Variants in TSPAN5 observed in about 807,000 individuals in gnomAD.
The protein encoded by TSPAN5 is tetraspanin-5.
A neutral mutation model predicts 37.1 loss-of-function variants in TSPAN5; 10 were observed. The observed-to-expected ratio is 0.27, with a 90% CI of 0.17 to 0.46. The LOEUF (loss-of-function observed/expected upper bound fraction) is 0.46. TSPAN5 is among the 20% of genes least tolerant of loss of function. TSPAN5 has a pLI of 1.00. For missense variants in TSPAN5, 195 were observed against 326.6 expected (o/e 0.60, Z 3.11); for synonymous variants, 110 against 118.9 (o/e 0.93, Z 0.48).
chr4:98,586,155 G>C lies in TSPAN5; in HGVS notation c.81+71991C>G, dbSNP rs568534207. Among the ~76,000 whole-genome samples the C allele has an allele frequency of 2.0e-5, 3 of 152,266 alleles. No individual in the cohort carries two copies. In the East Asian group the frequency reaches 5.8e-4, roughly 29 times the overall value. ...ATGCCAGTGCTGCCAAATGTACCAGGAAAGTTCTTTAAAAGCAGACTGAAG... is the reference window on the plus strand; with the variant it reads ...ATGCCAGTGCTGCCAAATGTACCAGCAAAGTTCTTTAAAAGCAGACTGAAG... On this transcript the variant is annotated intron_variant, in intron 1 of 7. Coordinates refer to ENST00000305798, the MANE Select transcript of TSPAN5 (RefSeq NM_005723.4).
chr4:98,588,361 G>A (rs1397860640), intron 1 of TSPAN5, among the ~76,000 whole-genome samples: 3 of 150,854 alleles, frequency 2.0e-5, no homozygotes, highest in African/African-American at 4.9e-5. Context: ...GCTAAGTAAA[G>A]AAAGGACAGT....
At chr4:98,519,471 C>T (rs1330614984) in intron 1 of TSPAN5, among the ~76,000 whole-genome samples, 1 of 151,924 alleles carries the variant, frequency 6.6e-6, no homozygotes, top group African/African-American at 2.4e-5. Context: ...GCATTCTAGC[C>T]TGAGTGAGAC....
rs545522355 is a variant in TSPAN5, at chr4:98,520,498, C to T, written c.82-12770G>A. Among the ~76,000 whole-genome samples the T allele has an allele frequency of 6.6e-5, 10 of 152,272 alleles. No individual in the cohort carries two copies. The South Asian group carries it at 8.3e-4, about 13-fold the overall frequency. On this transcript the variant is annotated intron_variant, in intron 1 of 7. Transcript: ENST00000305798. ...ATATCTGGAAATATCCGTTACCTTA[C>T]GTAGGAGACAAAAGGGAGGCAGTGT...
At chr4:98,524,594 T>C (rs1021657923) in intron 1 of TSPAN5, among the ~76,000 whole-genome samples, 1 of 152,104 alleles carries the variant, frequency 6.6e-6, no homozygotes, top group Non-Finnish European at 1.5e-5. Flanking sequence ...CACTTAAATA[T>C]TGAAGGAAGA....
At chr4:98,483,529 G>T (rs1476477836) in intron 3 of TSPAN5, 1 of 152,250 alleles carries the variant, frequency 6.6e-6, no homozygotes, top group Non-Finnish European at 1.5e-5. Flanking sequence ...AGTCTTATGT[G>T]ATTAGGGAGG....
In TSPAN5 at chr4:98,500,692, A is replaced by AT. The variant is rs545395626; in HGVS notation, c.132+6985dup. 1.7e-4 allele frequency among the ~76,000 whole-genome samples: 26 copies of AT among 152,200 alleles called. No homozygotes were observed. The East Asian group carries it at 2.9e-3, about 17-fold the overall frequency. ...ATGCAACTCCTTTATAAAAAGTGGTATTTTTTTCCTGTGTAGCATTTTACA... is the reference window on the plus strand; with the variant it reads ...ATGCAACTCCTTTATAAAAAGTGGTATTTTTTTTCCTGTGTAGCATTTTACA... On this transcript the variant is annotated intron_variant, in intron 2 of 7. Coordinates refer to ENST00000305798, the MANE Select transcript of TSPAN5 (RefSeq NM_005723.4).
chr4:98,554,844 T>TTTCAAA (rs1319235528), intron 1 of TSPAN5, among the ~76,000 whole-genome samples: 1 of 152,196 alleles, frequency 6.6e-6, no homozygotes, highest in Non-Finnish European at 1.5e-5. Flanking sequence ...AGAGAGTATG[T>TTTCAAA]GCCAAACAAG....
intron 1 of TSPAN5, among the ~76,000 whole-genome samples, chr4:98,518,787 C>A (rs982533928): frequency 8.5e-5 from 13 of 152,180 alleles, no homozygotes; most frequent in African/African-American, 3.1e-4. Flanking sequence ...ATCAGAAACT[C>A]TGGGGGCAGG....
chr4:98,489,424 C>A (rs980771425), intron 2 of TSPAN5, among the ~76,000 whole-genome samples: 2 of 152,126 alleles, frequency 1.3e-5, no homozygotes, highest in Non-Finnish European at 2.9e-5. Context: ...GGACAATGAT[C>A]GAGATATAAA....
intron 1 of TSPAN5, among the ~76,000 whole-genome samples, chr4:98,596,688 A>T: frequency 3.3e-5 from 2 of 61,304 alleles, no homozygotes; most frequent in African/African-American, 9.8e-5. Flanking sequence ...TTTCTCCTTC[A>T]CTTATGAAGC....
chr4:98,589,721 T>C (rs961457619), intron 1 of TSPAN5, among the ~76,000 whole-genome samples: 2 of 152,224 alleles, frequency 1.3e-5, no homozygotes, highest in African/African-American at 4.8e-5. Flanking sequence ...CATGATACCA[T>C]GGCACAAAAT....
chr4:98,516,065 T>C (rs1441311166), intron 1 of TSPAN5, among the ~76,000 whole-genome samples: 1 of 152,226 alleles, frequency 6.6e-6, no homozygotes, highest in Non-Finnish European at 1.5e-5. Flanking sequence ...CCTATTTTTT[T>C]ACAGAATCCT....
intron 1 of TSPAN5, among the ~76,000 whole-genome samples, chr4:98,534,627 C>T (rs994255944): frequency 9.8e-5 from 15 of 152,288 alleles, no homozygotes; most frequent in Admixed American, 7.8e-4. Flanking sequence ...GTTAAAGTCT[C>T]CAACTATTAT....
intron 1 of TSPAN5, among the ~76,000 whole-genome samples, chr4:98,538,727 A>G (rs992416811): frequency 1.4e-4 from 21 of 152,240 alleles, no homozygotes; most frequent in Non-Finnish European, 2.6e-4. Context: ...TGAAATATTT[A>G]TCAACATGTC....
intron 1 of TSPAN5, among the ~76,000 whole-genome samples, chr4:98,635,727 CTT>C (rs1756843381): frequency 6.6e-6 from 1 of 152,196 alleles, no homozygotes; most frequent in Admixed American, 6.5e-5. Flanking sequence ...GACTAGCACT[CTT>C]TGGCTGAGAG....
In TSPAN5 at chr4:98,658,161, G is replaced by A. The variant is rs763640285; in HGVS notation, c.66C>T (p.Phe22=). The A allele has an allele frequency of 1.2e-6, 2 of 1,614,032 alleles. No individual in the cohort carries two copies. Among genetic ancestry groups the A allele is most frequent in the East Asian group, 4.5e-5 (2 of 44,874 alleles). ...SCCIKYFIFG[F]NVIFWFLGIT... ...TCCAACTTACCCAAAATATGACATT[G>A]AAGCCAAATATGAAGTATTTGATGC... Residue 22 remains phenylalanine, a synonymous_variant, in exon 1 of 8, where the codon TTC becomes TTT. Coordinates refer to ENST00000305798, the MANE Select transcript of TSPAN5 (RefSeq NM_005723.4).
chr4:98,554,084 A>T (rs1967942), intron 1 of TSPAN5, among the ~76,000 whole-genome samples: 105,485 of 151,052 alleles, frequency 0.7, 36,988 homozygotes, highest in South Asian at 0.86. Context: ...AATAAATTAA[A>T]AAAAAAATGT....
intron 1 of TSPAN5, among the ~76,000 whole-genome samples, chr4:98,543,363 A>G (rs1754401434): frequency 6.6e-6 from 1 of 152,014 alleles, no homozygotes; most frequent in Non-Finnish European, 1.5e-5. Context: ...ATTTCTTAAT[A>G]TACATATATA....
At chr4:98,633,663 G>A (rs1756794161) in intron 1 of TSPAN5, among the ~76,000 whole-genome samples, 1 of 152,122 alleles carries the variant, frequency 6.6e-6, no homozygotes, top group African/African-American at 2.4e-5. Flanking sequence ...GGTTACAATG[G>A]CTGCACTACC....
Sources: allele counts gnomAD v4.1 joint callset (sites outside exome capture counted in the v4.1 genomes callset), GRCh38; gene constraint gnomAD v4.1.1; transcripts MANE v1.5; gene names NCBI Gene and HGNC (gene_info 2026-07-23, HGNC 2026-07-21).